CDH13: variants seen among roughly 807,000 people sequenced by gnomAD.
CDH13 encodes cadherin-13.
Under a neutral mutation model 63.8 loss-of-function variants are expected in CDH13, and 24 were observed. The observed-to-expected ratio is 0.38, with a 90% CI of 0.27 to 0.53. CDH13 has a LOEUF of 0.53. CDH13 is among the 20% of genes least tolerant of loss of function. CDH13 has a pLI of 0.85. For missense variants in CDH13, 1,049 were observed against 903.1 expected, an observed-to-expected ratio of 1.16 and a Z score of -2.07; for synonymous variants, 503 against 355.3, an observed-to-expected ratio of 1.42 and a Z score of -4.67.
chr16:83,024,238 G>C (rs1026771179), intron 2 of CDH13, among the ~76,000 whole-genome samples: 2 of 152,050 alleles, frequency 1.3e-5, no homozygotes, highest in African/African-American at 4.8e-5. Context: ...TGGATACAAG[G>C]ACACACTTAC....
rs554794897 is a variant in CDH13 at position 83,604,185 on chromosome 16, C to T, written c.1101+1591C>T. On this transcript the variant is annotated intron_variant, in intron 8 of 13. Coordinates refer to ENST00000567109, the MANE Select transcript of CDH13 (RefSeq NM_001257.5). ...ATGGCTCACTCAGGAGGTAGACGTC[C>T]CCCTTTCTCCCTGTGGTGTCTTGGG... 1.3e-4 allele frequency among the ~76,000 whole-genome samples: 20 copies of T among 152,234 alleles called. No individual in the cohort carries two copies. The South Asian group carries it at 3.1e-3, about 24-fold the overall frequency.
intron 1 of CDH13, among the ~76,000 whole-genome samples, chr16:82,642,752 A>T (rs1909573367): frequency 6.6e-6 from 1 of 152,166 alleles, no homozygotes; most frequent in South Asian, 2.1e-4. Flanking sequence ...TGTGGTGCTG[A>T]TTTTGAACCA....
chr16:83,271,492 C>G (rs1413741158), intron 5 of CDH13, among the ~76,000 whole-genome samples: 2 of 27,856 alleles, frequency 7.2e-5, no homozygotes, highest in African/African-American at 9.1e-5. Flanking sequence ...GCATAATGGG[C>G]TTTTATTTAA....
At chr16:83,429,768 T>A (rs1037610807) in intron 6 of CDH13, among the ~76,000 whole-genome samples, 1 of 152,186 alleles carries the variant, frequency 6.6e-6, no homozygotes, top group Non-Finnish European at 1.5e-5. Flanking sequence ...GTTTTTATTT[T>A]ATTTTATTGT....
At chr16:83,376,927 T>C (rs1156382414) in intron 6 of CDH13, among the ~76,000 whole-genome samples, 2 of 152,146 alleles carry the variant, frequency 1.3e-5, no homozygotes, top group Admixed American at 6.5e-5. Context: ...CATAAGAAGT[T>C]TGGCTACCTG....
At chr16:83,031,529 C>T (rs1005984623) in intron 2 of CDH13, among the ~76,000 whole-genome samples, 10 of 151,526 alleles carry the variant, frequency 6.6e-5, no homozygotes, top group Non-Finnish European at 2.9e-5. Flanking sequence ...GCTATTTAGC[C>T]CTCATCCCTG....
intron 1 of CDH13, among the ~76,000 whole-genome samples, chr16:82,735,247 T>C (rs1313814645): frequency 6.6e-6 from 1 of 152,216 alleles, no homozygotes; most frequent in South Asian, 2.1e-4. Flanking sequence ...TTACCTGTGC[T>C]CATCATTTTC....
intron 2 of CDH13, among the ~76,000 whole-genome samples, chr16:82,879,243 C>A (rs772054013): frequency 7.9e-5 from 12 of 151,902 alleles, no homozygotes; most frequent in Non-Finnish European, 1.6e-4. Flanking sequence ...AGCTCTGTAA[C>A]CTAGAAAAAG....
chr16:82,741,054 T>TCTCTCA (rs1235198789), intron 1 of CDH13, among the ~76,000 whole-genome samples: 2 of 152,144 alleles, frequency 1.3e-5, no homozygotes, highest in Non-Finnish European at 2.9e-5. Flanking sequence ...GTATACATAC[T>TCTCTCA]CTCTCACTCT....
At chr16:83,754,611 C>T (rs867988822) in intron 11 of CDH13, among the ~76,000 whole-genome samples, 6 of 152,274 alleles carry the variant, frequency 3.9e-5, no homozygotes, top group African/African-American at 1.4e-4. Context: ...ATACTGTTCT[C>T]ATGGTAGTGA....
intron 1 of CDH13, among the ~76,000 whole-genome samples, chr16:82,636,188 G>A (rs1232004844): frequency 6.6e-6 from 1 of 152,152 alleles, no homozygotes; most frequent in African/African-American, 2.4e-5. Flanking sequence ...GAGAGGTGAA[G>A]GAGGCCTGCT....
At chr16:82,757,210 T>C (rs763331128) in intron 1 of CDH13, among the ~76,000 whole-genome samples, 3 of 152,218 alleles carry the variant, frequency 2.0e-5, no homozygotes, top group Non-Finnish European at 2.9e-5. Context: ...GGGACCACTT[T>C]TCACCACCTT....
chr16:83,018,132 A>T (rs1180599742), intron 2 of CDH13, among the ~76,000 whole-genome samples: 1 of 152,206 alleles, frequency 6.6e-6, no homozygotes, highest in Non-Finnish European at 1.5e-5. Flanking sequence ...CAGTTCTACA[A>T]GTAAACCTTT....
intron 1 of CDH13, among the ~76,000 whole-genome samples, chr16:82,743,526 C>G (rs2034028317): frequency 1.3e-5 from 2 of 152,196 alleles, no homozygotes; most frequent in Non-Finnish European, 1.5e-5. Context: ...TCTACTAATA[C>G]ATATTTTGAA....
chr16:83,352,117 C>T (rs1249533259), intron 6 of CDH13, among the ~76,000 whole-genome samples: 1 of 151,984 alleles, frequency 6.6e-6, no homozygotes, highest in Non-Finnish European at 1.5e-5. Context: ...TGCTGCAGAG[C>T]CCTTGAGCTT....
chr16:83,109,448 C>T (rs2034955139), intron 3 of CDH13, among the ~76,000 whole-genome samples: 1 of 152,170 alleles, frequency 6.6e-6, no homozygotes, highest in African/African-American at 2.4e-5. Context: ...TTTTAGGTGC[C>T]TGTGGATAGT....
At chr16:82,716,515 G>T (rs1368496753) in intron 1 of CDH13, among the ~76,000 whole-genome samples, 1 of 151,024 alleles carries the variant, frequency 6.6e-6, no homozygotes, top group Admixed American at 6.6e-5. Context: ...AGTTGTAAAA[G>T]TTGGGGATTA....
At chr16:83,340,908 C>G (rs2090707508) in intron 5 of CDH13, among the ~76,000 whole-genome samples, 1 of 152,066 alleles carries the variant, frequency 6.6e-6, no homozygotes, top group South Asian at 2.1e-4. Flanking sequence ...TTGTTATTCC[C>G]ATGCAGGTCA....
chr16:83,524,687 G>A (rs1225197729), intron 7 of CDH13, among the ~76,000 whole-genome samples: 1 of 151,962 alleles, frequency 6.6e-6, no homozygotes, highest in African/African-American at 2.4e-5. Context: ...CTCCTGACCT[G>A]GTGATCCGCC....
Sources: gnomAD v4.1 joint callset for allele counts (sites outside exome capture counted in the v4.1 genomes callset) on GRCh38, gnomAD v4.1.1 for gene constraint, MANE v1.5 for transcripts, NCBI Gene and HGNC (gene_info 2026-07-23, HGNC 2026-07-21) for gene names.